FOCAD: variants seen among roughly 807,000 people sequenced by gnomAD.
FOCAD encodes the protein KIAA1797.
Under a neutral mutation model 225.6 loss-of-function variants are expected in FOCAD, and 198 were observed. The observed-to-expected ratio is 0.88, with a 90% confidence interval of 0.78 to 0.99. FOCAD has a LOEUF of 0.99. FOCAD is among the 50% of genes least tolerant of loss of function. The pLI, the probability that FOCAD is intolerant of heterozygous loss-of-function variation, is 0.00. For synonymous variants in FOCAD, 897 were observed against 755.0 expected, an observed-to-expected ratio of 1.19 and a Z score of -3.08; for missense variants, 2,713 against 2,123.6, an observed-to-expected ratio of 1.28 and a Z score of -5.46.
chr9:20,843,496 T>C (rs2131579920), intron 15 of FOCAD, among the ~76,000 whole-genome samples: 1 of 152,210 alleles, frequency 6.6e-6, no homozygotes, highest in African/African-American at 2.4e-5. Context: ...TTTTATATGT[T>C]ATTTGTTTCT....
chr9:20,668,907 C>T lies in FOCAD; in HGVS notation c.-78+10081C>T, dbSNP rs138965931. Reference sequence around the variant, plus strand: ...CATCCTGTTCCCAGGCTGTGTGGCACGCTCCCCGTTTTCTCCTCTAGGTTC... The same window carrying T: ...CATCCTGTTCCCAGGCTGTGTGGCATGCTCCCCGTTTTCTCCTCTAGGTTC... On this transcript the variant is annotated intron_variant, in intron 2 of 45. Transcript: ENST00000380249. Among the ~76,000 whole-genome samples, 1,266 of 152,286 alleles carry T rather than the reference C, an allele frequency of 8.3e-3. 17 individuals carry two copies. Among genetic ancestry groups the T allele is most frequent in the African/African-American group, 0.028 (1,149 of 41,544 alleles).
chr9:20,854,801 A>T (rs941025010), intron 15 of FOCAD, among the ~76,000 whole-genome samples: 3 of 151,762 alleles, frequency 2.0e-5, no homozygotes, highest in Non-Finnish European at 4.4e-5. Context: ...GATGATTTCT[A>T]GGTATTATCC....
intron 11 of FOCAD, among the ~76,000 whole-genome samples, chr9:20,796,177 G>GTA (rs1415698158): frequency 2.6e-5 from 4 of 152,120 alleles, no homozygotes; most frequent in African/African-American, 4.8e-5. Flanking sequence ...GTATTCCATG[G>GTA]TATATATGTG....
intron 15 of FOCAD, among the ~76,000 whole-genome samples, chr9:20,851,457 A>G (rs1827648398): frequency 6.6e-6 from 1 of 151,878 alleles, no homozygotes; most frequent in Non-Finnish European, 1.5e-5. Flanking sequence ...TGGCAGCAAC[A>G]CATCAGAATT....
intron 1 of FOCAD, among the ~76,000 whole-genome samples, chr9:20,687,070 A>G (rs1450144507): frequency 6.6e-6 from 1 of 150,898 alleles, no homozygotes; most frequent in Non-Finnish European, 1.5e-5. Flanking sequence ...AAAAGTTTAT[A>G]TTGGCTTTCA....
At chr9:20,820,011 T>C (rs1204247087) in intron 12 of FOCAD, 111 bp downstream of exon 12, 4 of 606,000 alleles carry the variant, frequency 6.6e-6, no homozygotes, top group Non-Finnish European at 1.2e-5. Context: ...TAGTCACTAC[T>C]TCTCTTGTTG....
chr9:20,807,193 T>C (rs1822550235), intron 11 of FOCAD, among the ~76,000 whole-genome samples: 1 of 152,258 alleles, frequency 6.6e-6, no homozygotes, highest in Admixed American at 6.5e-5. Flanking sequence ...CATTTCACAA[T>C]TACTTATCTG....
At chr9:20,854,937 A>C (rs1828017592) in intron 15 of FOCAD, among the ~76,000 whole-genome samples, 1 of 151,776 alleles carries the variant, frequency 6.6e-6, no homozygotes, top group Non-Finnish European at 1.5e-5. Context: ...ATACCCATTG[A>C]TTTGCATTTT....
At chr9:20,893,888 T>A (rs1831845573) in intron 21 of FOCAD, among the ~76,000 whole-genome samples, 1 of 152,160 alleles carries the variant, frequency 6.6e-6, no homozygotes, top group South Asian at 2.1e-4. Context: ...ACCCAAAGTC[T>A]ATAGTTTATA....
chr9:20,697,852 T>A (rs1349655034), intron 1 of FOCAD, among the ~76,000 whole-genome samples: 2 of 152,252 alleles, frequency 1.3e-5, no homozygotes, highest in Non-Finnish European at 2.9e-5. Flanking sequence ...TTGATGTTTT[T>A]CTCAGGTGCA....
At chr9:20,777,249 C>G (rs1468137107) in intron 8 of FOCAD, among the ~76,000 whole-genome samples, 1 of 149,458 alleles carries the variant, frequency 6.7e-6, no homozygotes, top group African/African-American at 2.5e-5. Flanking sequence ...TTCACTCAGG[C>G]AGGTGGTCCT....
intron 8 of FOCAD, among the ~76,000 whole-genome samples, chr9:20,777,927 A>G (rs1191046007): frequency 2.6e-5 from 4 of 151,770 alleles, no homozygotes; most frequent in South Asian, 2.1e-4. Flanking sequence ...CGTCTCTACT[A>G]AAAATACAAA....
chr9:20,952,515 G>A (rs902216198), intron 34 of FOCAD: 1 of 160,318 alleles, frequency 6.2e-6, no homozygotes, highest in African/African-American at 2.4e-5. Context: ...CTCTGCCTTA[G>A]GTAAGGGATT....
intron 11 of FOCAD, among the ~76,000 whole-genome samples, chr9:20,790,765 A>AAAAAAC (rs1173373189): frequency 6.6e-6 from 1 of 152,158 alleles, no homozygotes; most frequent in African/African-American, 2.4e-5. Context: ...TCTCAAAAGC[A>AAAAAAC]AAAAACAAAA....
intron 15 of FOCAD, among the ~76,000 whole-genome samples, chr9:20,825,152 T>C (rs913309518): frequency 7.4e-6 from 1 of 135,986 alleles, no homozygotes; most frequent in Non-Finnish European, 1.7e-5. Context: ...TTTGCGTGTG[T>C]GTGTGTGTGT....
intron 22 of FOCAD, 100 bp from the exon 23 acceptor site, chr9:20,912,766 A>G (rs1040449246): frequency 2.2e-6 from 2 of 896,792 alleles, no homozygotes; most frequent in African/African-American, 3.3e-5. Flanking sequence ...CAGAACACTT[A>G]AGGCCAAATG....
intron 2 of FOCAD, among the ~76,000 whole-genome samples, chr9:20,675,157 G>A (rs529806396): frequency 2.0e-5 from 3 of 152,310 alleles, no homozygotes; most frequent in African/African-American, 4.8e-5. Context: ...ATGACTTGCT[G>A]TAAGGAAGTC....
At chr9:20,739,584 C>G (rs1368490777) in intron 4 of FOCAD, among the ~76,000 whole-genome samples, 4 of 143,412 alleles carry the variant, frequency 2.8e-5, no homozygotes, top group African/African-American at 7.8e-5. Flanking sequence ...GGCTGGGCAA[C>G]AAGAGTGAAA....
intron 21 of FOCAD, among the ~76,000 whole-genome samples, chr9:20,887,901 G>A (rs1461341230): frequency 6.6e-6 from 1 of 152,064 alleles, no homozygotes; most frequent in Non-Finnish European, 1.5e-5. Flanking sequence ...AGTAGTATTA[G>A]TTTCCCTTTG....
Sources: gnomAD v4.1 joint callset for allele counts (sites outside exome capture counted in the v4.1 genomes callset) on GRCh38, gnomAD v4.1.1 for gene constraint, MANE v1.5 for transcripts, NCBI Gene and HGNC (gene_info 2026-07-23, HGNC 2026-07-21) for gene names.